Variants in IGF2R observed in about 807,000 individuals in gnomAD.
IGF2R encodes cation-independent mannose-6-phosphate receptor.
IGF2R carries 91 observed loss-of-function variants against 270.6 expected under a neutral mutation model. The ratio of observed to expected loss-of-function variants is 0.34; its 90% CI spans 0.28 to 0.40. The LOEUF (loss-of-function observed/expected upper bound fraction) is 0.40, where lower values mean the gene tolerates loss of function less well. Ranked by LOEUF, IGF2R falls within the 10% of genes least tolerant of loss-of-function variation. The pLI is 1.00. For synonymous variants in IGF2R, 1,316 were observed against 1,258.9 expected, an observed-to-expected ratio of 1.05 and a Z score of -0.96; for missense variants, 2,805 against 3,188.3, an observed-to-expected ratio of 0.88 and a Z score of 2.90.
chr6:159,977,315 G>A (rs561522475), intron 1 of IGF2R, among the ~76,000 whole-genome samples: 5 of 152,342 alleles, frequency 3.3e-5, no homozygotes, highest in African/African-American at 9.6e-5. Flanking sequence ...TCTGCAGTGG[G>A]TCTCCACCCG....
At chr6:160,009,985 C>CT (rs57778954) in intron 3 of IGF2R, among the ~76,000 whole-genome samples, 3 of 151,364 alleles carry the variant, frequency 2.0e-5, no homozygotes, top group Admixed American at 6.6e-5. Context: ...ATATTGAGAC[C>CT]CAAAAAAGAA....
chr6:159,996,783 C>T (rs1411633438), intron 2 of IGF2R, among the ~76,000 whole-genome samples: 1 of 152,248 alleles, frequency 6.6e-6, no homozygotes, highest in Non-Finnish European at 1.5e-5. Flanking sequence ...CAACCCAAAG[C>T]ACACACATTT....
chr6:160,080,542 T>C (rs1309206940), intron 39 of IGF2R, among the ~76,000 whole-genome samples: 1 of 152,222 alleles, frequency 6.6e-6, no homozygotes, highest in Non-Finnish European at 1.5e-5. Context: ...TGGAGGGCCT[T>C]GTGTCCACAT....
At chr6:160,059,573 A>G (rs1388541500) in intron 22 of IGF2R, among the ~76,000 whole-genome samples, 2 of 152,220 alleles carry the variant, frequency 1.3e-5, no homozygotes, top group Non-Finnish European at 2.9e-5. Context: ...GCCTGTATTC[A>G]ACACAGCAGT....
At chr6:160,082,267 C>G (rs1260211459) in intron 39 of IGF2R, among the ~76,000 whole-genome samples, 1 of 152,110 alleles carries the variant, frequency 6.6e-6, no homozygotes, top group East Asian at 1.9e-4. Flanking sequence ...TTCTGAATCA[C>G]ACTCCTGTTT....
At chr6:160,097,909 A>T (rs538642067) in intron 45 of IGF2R, among the ~76,000 whole-genome samples, 1 of 152,190 alleles carries the variant, frequency 6.6e-6, no homozygotes, top group Non-Finnish European at 1.5e-5. Flanking sequence ...CCTCAGCTGC[A>T]CAGTCAGGGA....
intron 29 of IGF2R, among the ~76,000 whole-genome samples, chr6:160,065,924 C>A (rs753884191): frequency 6.7e-6 from 1 of 148,376 alleles, no homozygotes; most frequent in Non-Finnish European, 1.5e-5. Context: ...CTGCAACCTC[C>A]TCCTCCCTGG....
intron 21 of IGF2R, among the ~76,000 whole-genome samples, 187 bp from the exon 22 acceptor site, chr6:160,058,719 T>C (rs1778365652): frequency 6.6e-6 from 1 of 152,224 alleles, no homozygotes; most frequent in East Asian, 1.9e-4. Flanking sequence ...TTAAAGGCAG[T>C]TTATAGATAC....
Position 160,089,146 on chromosome 6 carries a change from C to T in IGF2R, c.6360C>T (p.Asp2120=), listed in dbSNP as rs368687852. 6.6e-5 allele frequency: 106 copies of T among 1,613,986 alleles called. No homozygotes were observed. Among genetic ancestry groups the T allele is most frequent in the Non-Finnish European group, 8.7e-5 (103 of 1,179,952 alleles). ...GCTGCACTTACTACTTCAGCTGGGA[C>T]TCCCGGGCTGCCTGCGCCGTGAAGC... ...IDSCTYYFSW[D]SRAACAVKPQ... is the part of the protein sequence containing the mutation. The change falls in exon 43 of 48, where the codon GAC becomes GAT. Residue 2120 remains aspartate (D), a synonymous_variant. Coordinates refer to ENST00000356956, the MANE Select transcript of IGF2R (RefSeq NM_000876.4).
At chr6:159,970,882 A>G (rs1355886365) in intron 1 of IGF2R, among the ~76,000 whole-genome samples, 1 of 151,956 alleles carries the variant, frequency 6.6e-6, no homozygotes, top group Non-Finnish European at 1.5e-5. Flanking sequence ...GTTGGAGGCC[A>G]GCTTCAGCAA....
At chr6:160,101,391 G>C (rs1269926259) in intron 45 of IGF2R, among the ~76,000 whole-genome samples, 1 of 152,182 alleles carries the variant, frequency 6.6e-6, no homozygotes, top group Middle Eastern at 3.2e-3. Context: ...TGTGGAGTGT[G>C]GTGGTGCTTC....
intron 20 of IGF2R, 21 bp downstream of exon 20, chr6:160,056,546 C>G (rs771892420): frequency 6.6e-7 from 1 of 1,505,770 alleles, no homozygotes; most frequent in Middle Eastern, 1.7e-4. Flanking sequence ...TTTCACCTGG[C>G]CCTCGTGCTG....
chr6:160,002,790 C>T (rs1203342497), intron 2 of IGF2R, among the ~76,000 whole-genome samples: 1 of 152,012 alleles, frequency 6.6e-6, no homozygotes, highest in Non-Finnish European at 1.5e-5. Flanking sequence ...AATACTGTGT[C>T]GTAAGTCTGA....
rs1214273790 is a variant in IGF2R, at chr6:160,085,082, T to G, written c.6156T>G (p.Gly2052=). The change falls in exon 41 of 48, where the codon GGT becomes GGG. Residue 2052 remains glycine, a synonymous_variant. Coordinates refer to ENST00000356956, the MANE Select transcript of IGF2R (RefSeq NM_000876.4). ...RASICRRTTT[G]DVQVLGLVHT... ...GCATTTGCAGAAGGACCACAACTGGTGACGTCCAGGTCCTGGGACTCGTTC... is the reference window on the plus strand; with the variant it reads ...GCATTTGCAGAAGGACCACAACTGGGGACGTCCAGGTCCTGGGACTCGTTC... 1 of 1,614,036 alleles carries G rather than the reference T, an allele frequency of 6.2e-7. No homozygotes were observed. Among genetic ancestry groups the G allele is most frequent in the South Asian group, 1.1e-5 (1 of 91,082 alleles).
Position 160,048,558 on chromosome 6 carries a change from A to G in IGF2R, c.2514+15A>G. ...AAAAAGATCAGGTGAATCTGTTTTCACTGCTTGTCTCCTTTGCCCTCCTAA... is the reference window on the plus strand; with the variant it reads ...AAAAAGATCAGGTGAATCTGTTTTCGCTGCTTGTCTCCTTTGCCCTCCTAA... On this transcript the variant is annotated intron_variant, in intron 18 of 47. Coordinates refer to ENST00000356956, the MANE Select transcript of IGF2R (RefSeq NM_000876.4). 4 of 1,611,628 alleles carry G rather than the reference A, an allele frequency of 2.5e-6. No homozygotes were observed. The highest frequency in any genetic ancestry group is 3.4e-6 in the Non-Finnish European group (4 of 1,178,732).
chr6:160,110,913 A>T lies in IGF2R; in HGVS notation c.*5829A>T, dbSNP rs1379754148. On this transcript the variant is annotated 3_prime_UTR_variant, in exon 48 of 48. Transcript: ENST00000356956. ...AGTGGAATGGTGGTTACCAAAGGCCAGAGGGTGCAGGAAGTGAGCAGATGT... is the reference window on the plus strand; with the variant it reads ...AGTGGAATGGTGGTTACCAAAGGCCTGAGGGTGCAGGAAGTGAGCAGATGT... The T allele has an allele frequency of 6.6e-6, 1 of 152,274 alleles. No homozygotes were observed. The highest frequency in any genetic ancestry group is 1.5e-5 in the Non-Finnish European group (1 of 68,058). The allele number at this position is 152,274 out of a possible 1,614,324, so 9.4% of individuals were successfully genotyped here.
chr6:160,045,683 T>C (rs568964982), intron 13 of IGF2R, 62 bp from the exon 14 acceptor site: 2 of 1,593,332 alleles, frequency 1.3e-6, no homozygotes, highest in South Asian at 1.1e-5. Flanking sequence ...CAGAGAAGAA[T>C]GAGGTAAGAT....
At chr6:160,093,071 A>G (rs1048437432) in intron 44 of IGF2R, 1 of 152,608 alleles carries the variant, frequency 6.6e-6, no homozygotes, top group Non-Finnish European at 1.5e-5. Flanking sequence ...GTTAAAATCA[A>G]CCAAGATGCA....
intron 1 of IGF2R, among the ~76,000 whole-genome samples, chr6:159,985,339 G>A (rs564536114): frequency 3.9e-4 from 60 of 152,312 alleles, no homozygotes; most frequent in Admixed American, 1.3e-3. Context: ...GCCTCACACC[G>A]CCTAGGTTAA....
Sources: gnomAD v4.1 joint callset for allele counts (sites outside exome capture counted in the v4.1 genomes callset) on GRCh38, gnomAD v4.1.1 for gene constraint, MANE v1.5 for transcripts, NCBI Gene and HGNC (gene_info 2026-07-23, HGNC 2026-07-21) for gene names.